SPATA22: variants seen among roughly 807,000 people sequenced by gnomAD.
The protein encoded by SPATA22 is spermatogenesis-associated protein 22.
In SPATA22, 29 loss-of-function variants were observed where a neutral mutation model predicts 47.8. That is an observed-to-expected ratio of 0.61 (90% CI 0.45 to 0.83). SPATA22 has a LOEUF of 0.83. Among genes scored for constraint, SPATA22 ranks in the 40% least tolerant of loss-of-function variants. SPATA22 has a pLI of 0.00. For synonymous variants in SPATA22, 133 were observed against 140.9 expected (o/e 0.94, Z 0.40); for missense variants, 410 against 421.7 (o/e 0.97, Z 0.24).
intron 5 of SPATA22, among the ~76,000 whole-genome samples, chr17:3,461,709 C>T (rs984054158): frequency 5.3e-5 from 8 of 152,098 alleles, no homozygotes; most frequent in African/African-American, 9.6e-5. Context: ...TAAAAAAATA[C>T]GATATCTTTA....
At chr17:3,475,636 T>G (rs1489763355), upstream of SPATA22, 2 of 162,654 alleles carry the variant, frequency 1.2e-5, no homozygotes, top group African/African-American at 4.8e-5. Flanking sequence ...AGAGGTGAGA[T>G]TCAAATGCCC....
chr17:3,460,461 C>T (rs1020442480), intron 5 of SPATA22, among the ~76,000 whole-genome samples: 1 of 151,828 alleles, frequency 6.6e-6, no homozygotes, highest in Admixed American at 6.6e-5. Flanking sequence ...TATCTGAACC[C>T]GTTTGCCAGG....
chr17:3,491,691 T>C (rs1030505332), intron 1 of SPATA22, among the ~76,000 whole-genome samples: 15 of 151,894 alleles, frequency 9.9e-5, no homozygotes, highest in Non-Finnish European at 2.1e-4. Context: ...GAGATTGCAG[T>C]GAGCCGAGTT....
At chr17:3,503,944 T>C (rs1168032587) in intron 1 of SPATA22, among the ~76,000 whole-genome samples, 1 of 151,944 alleles carries the variant, frequency 6.6e-6, no homozygotes, top group Non-Finnish European at 1.5e-5. Context: ...TTCAAATTCC[T>C]AGCACAAAAG....
intron 1 of SPATA22, among the ~76,000 whole-genome samples, chr17:3,480,542 G>A (rs1176709678): frequency 1.3e-5 from 2 of 152,180 alleles, no homozygotes; most frequent in Non-Finnish European, 2.9e-5. Flanking sequence ...TCAACTCAGG[G>A]TTTACAAAAT....
At chr17:3,460,511 G>A (rs748890462) in intron 5 of SPATA22, among the ~76,000 whole-genome samples, 2 of 151,902 alleles carry the variant, frequency 1.3e-5, no homozygotes, top group Non-Finnish European at 2.9e-5. Context: ...TCATCTCACC[G>A]AGCACAATAG....
chr17:3,468,849 T>C (rs2150733666), intron 2 of SPATA22: 2 of 892,546 alleles, frequency 2.2e-6, no homozygotes, highest in Non-Finnish European at 2.7e-6. Context: ...ATCTTCATTA[T>C]GCATCATCAT....
At chr17:3,494,205 TGTTGG>T in intron 1 of SPATA22, 13 of 652,854 alleles carry the variant, frequency 2.0e-5, no homozygotes, top group South Asian at 1.9e-4. Context: ...GGGTTCACCA[TGTTGG>T]CCAGGCTGTT....
At chr17:3,455,413 G>A (rs2072964873) in intron 5 of SPATA22, among the ~76,000 whole-genome samples, 1 of 150,348 alleles carries the variant, frequency 6.7e-6, no homozygotes, top group Non-Finnish European at 1.5e-5. Flanking sequence ...TTCTTCTAGG[G>A]TTTTTATGGT....
At chr17:3,481,809 T>C in intron 1 of SPATA22, 4 of 1,575,324 alleles carry the variant, frequency 2.5e-6, no homozygotes, top group Non-Finnish European at 3.5e-6. Flanking sequence ...GTAATGTTAA[T>C]GTTATTAATT....
chr17:3,484,597 G>A (rs186434296), intron 1 of SPATA22, among the ~76,000 whole-genome samples: 2 of 152,274 alleles, frequency 1.3e-5, no homozygotes, highest in African/African-American at 4.8e-5. Flanking sequence ...TGTGATGAAA[G>A]GCCATTGCTG....
chr17:3,491,639 TC>T (rs1389136433), intron 1 of SPATA22, among the ~76,000 whole-genome samples: 1 of 151,782 alleles, frequency 6.6e-6, no homozygotes, highest in East Asian at 2.0e-4. Context: ...TTCCAGCTAC[TC>T]CGAAGGCTGA....
chr17:3,489,437 A>G, intron 1 of SPATA22: 3 of 1,087,188 alleles, frequency 2.8e-6, no homozygotes, highest in Non-Finnish European at 4.2e-6. Context: ...TAAAGATATG[A>G]AGTGCTTTTT....
chr17:3,467,461 G>A lies in SPATA22; in HGVS notation c.137C>T (p.Pro46Leu). Residue 46 changes from proline to leucine, a missense_variant, in exon 3 of 9, where the codon CCT becomes CTT. Transcript: ENST00000572969. The stretch of plus-strand genomic sequence containing the variant: ...AGGAGGAAAATCATAATTGTCAGAA[G>A]GGGTACTGATACCTGAATCATCTTT... ...PLKDDSGIST[P>L]SDNYDFPPLP... 6.2e-7 allele frequency: 1 copy of A among 1,607,010 alleles called. No homozygotes were observed. Among genetic ancestry groups the A allele is most frequent in the Non-Finnish European group, 8.5e-7 (1 of 1,176,860 alleles).
chr17:3,486,800 T>A (rs1272864538), intron 1 of SPATA22, among the ~76,000 whole-genome samples: 1 of 152,234 alleles, frequency 6.6e-6, no homozygotes, highest in African/African-American at 2.4e-5. Context: ...CTTTTGTGCA[T>A]AATAAAAGGA....
chr17:3,491,696 C>T (rs769567197), intron 1 of SPATA22, among the ~76,000 whole-genome samples: 5 of 151,632 alleles, frequency 3.3e-5, no homozygotes, highest in East Asian at 3.9e-4. Context: ...TGCAGTGAGC[C>T]GAGTTCATGC....
chr17:3,460,767 T>C (rs1597401226), intron 5 of SPATA22, among the ~76,000 whole-genome samples: 1 of 121,306 alleles, frequency 8.2e-6, no homozygotes, highest in African/African-American at 3.2e-5. Flanking sequence ...CACTCCAGCC[T>C]GGGCAACATG....
At chr17:3,452,247 C>A in intron 5 of SPATA22, among the ~76,000 whole-genome samples, 2 of 139,280 alleles carry the variant, frequency 1.4e-5, no homozygotes, top group Admixed American at 7.2e-5. Flanking sequence ...CATATAAAGG[C>A]AATAATAAGA....
At chr17:3,460,785 C>A (rs1431359078) in intron 5 of SPATA22, among the ~76,000 whole-genome samples, 2 of 130,858 alleles carry the variant, frequency 1.5e-5, no homozygotes, top group African/African-American at 2.8e-5. Context: ...ATGGCAAGAT[C>A]CAGTCTCAAA....
Sources: gnomAD v4.1 joint callset for allele counts (sites outside exome capture counted in the v4.1 genomes callset) on GRCh38, gnomAD v4.1.1 for gene constraint, MANE v1.5 for transcripts, NCBI Gene and HGNC (gene_info 2026-07-23, HGNC 2026-07-21) for gene names.